BCL2L1: variants seen among roughly 807,000 people sequenced by gnomAD.
BCL2L1 encodes the protein BCL2 like 1.
In BCL2L1, 1 loss-of-function variant was observed where a neutral mutation model predicts 18.7. The ratio of observed to expected loss-of-function variants is 0.05; its 90% CI spans 0.02 to 0.25. The LOEUF is 0.25. Ranked by LOEUF, BCL2L1 falls within the 10% of genes least tolerant of loss-of-function variation. The probability of loss-of-function intolerance (pLI) is 1.00; values close to 1 mark genes in which losing one functional copy is unlikely to be tolerated. For missense variants in BCL2L1, 207 were observed against 304.9 expected (o/e 0.68, Z 2.39); for synonymous variants, 103 against 122.7 (o/e 0.84, Z 1.06).
At chr20:31,704,529 G>A (rs2061340505) in intron 2 of BCL2L1, among the ~76,000 whole-genome samples, 1 of 152,208 alleles carries the variant, frequency 6.6e-6, no homozygotes, top group Non-Finnish European at 1.5e-5. Flanking sequence ...TAAAGACACA[G>A]TTTCTGGATT....
upstream of BCL2L1, chr20:31,723,648 A>G (rs1477944642): frequency 2.0e-6 from 2 of 985,414 alleles, no homozygotes; most frequent in East Asian, 2.3e-4. Context: ...GCAGCCAATC[A>G]GCGAGCCCAG....
At chr20:31,689,191 AACGTGGCAAG>A (rs2061012230) in intron 2 of BCL2L1, among the ~76,000 whole-genome samples, 2 of 125,122 alleles carry the variant, frequency 1.6e-5, no homozygotes, top group Non-Finnish European at 3.4e-5. Flanking sequence ...TAGCCTGGGC[AACGTGGCAAG>A]ACCCTGTCTC....
At chr20:31,677,780 T>C (rs1220248235) in intron 2 of BCL2L1, among the ~76,000 whole-genome samples, 1 of 152,198 alleles carries the variant, frequency 6.6e-6, no homozygotes, top group Non-Finnish European at 1.5e-5. Flanking sequence ...CACTTATCTC[T>C]GAGGTCTTAA....
intron 2 of BCL2L1, among the ~76,000 whole-genome samples, chr20:31,675,692 G>A (rs1485893631): frequency 5.9e-5 from 9 of 152,068 alleles, no homozygotes; most frequent in Non-Finnish European, 1.3e-4. Context: ...ACTGTGTTGG[G>A]GTCAACACCT....
chr20:31,682,039 G>A (rs1045002441), intron 2 of BCL2L1, among the ~76,000 whole-genome samples: 6 of 152,198 alleles, frequency 3.9e-5, no homozygotes, highest in Non-Finnish European at 7.3e-5. Context: ...CAGTGGGAGC[G>A]GGGGTCAGGG....
chr20:31,701,271 C>G (rs2122703393), intron 2 of BCL2L1, among the ~76,000 whole-genome samples: 1 of 152,316 alleles, frequency 6.6e-6, no homozygotes, highest in East Asian at 1.9e-4. Flanking sequence ...CCAAGACGGT[C>G]TTGATCTCCT....
At position 31,722,795 on chromosome 20, in the gene BCL2L1, G is replaced by C. The variant is rs1293215855; in HGVS notation, c.-308C>G. 2.6e-5 allele frequency: 4 copies of C among 152,218 alleles called. No homozygotes were observed. Among genetic ancestry groups the C allele is most frequent in the East Asian group, 3.9e-4 (2 of 5,178 alleles). 9.4% of individuals were successfully genotyped at this position (152,218 alleles called of 1,614,324 possible). A position where few individuals can be genotyped will look rare whatever the true frequency, so the allele number is the denominator to read the frequency against. ...TGCGACCCGGCAGGCTGGGAGCCCAGAAGGCGACACAGGAATTGCGAAGCT... is the reference window on the plus strand; with the variant it reads ...TGCGACCCGGCAGGCTGGGAGCCCACAAGGCGACACAGGAATTGCGAAGCT... On this transcript the variant is annotated 5_prime_UTR_variant, in exon 1 of 3. Coordinates refer to ENST00000307677, the MANE Select transcript of BCL2L1 (RefSeq NM_138578.3).
intron 2 of BCL2L1, among the ~76,000 whole-genome samples, chr20:31,698,311 T>G (rs927951673): frequency 8.5e-5 from 13 of 152,102 alleles, no homozygotes; most frequent in African/African-American, 2.2e-4. Flanking sequence ...GATGTGTTCA[T>G]AGCTCACTGC....
intron 2 of BCL2L1, among the ~76,000 whole-genome samples, chr20:31,683,268 T>C (rs1178101951): frequency 6.6e-6 from 1 of 152,208 alleles, no homozygotes; most frequent in Admixed American, 6.5e-5. Flanking sequence ...ATTCCCACCC[T>C]TTGGCCTCTG....
chr20:31,696,148 T>C lies in BCL2L1; in HGVS notation c.564+25507A>G, dbSNP rs578200437. On this transcript the variant is annotated intron_variant, in intron 2 of 2. Transcript: ENST00000307677. ...GTCCACTGGGTGAGAATAGGGACTTTGGTTCGTTCAGACTGTATGTCCAAC... is the reference window on the plus strand; with the variant it reads ...GTCCACTGGGTGAGAATAGGGACTTCGGTTCGTTCAGACTGTATGTCCAAC... Among the ~76,000 whole-genome samples the C allele has an allele frequency of 9.8e-5, 15 of 152,352 alleles. No homozygotes were observed. In the South Asian group the frequency reaches 2.1e-3, roughly 21 times the overall value.
upstream of BCL2L1, chr20:31,723,330 A>T: frequency 1.0e-6 from 1 of 985,590 alleles, no homozygotes; most frequent in Non-Finnish European, 1.2e-6. Context: ...GGTGAGGGTG[A>T]GGCGCTGGGC....
rs986907006 is a variant in BCL2L1, at chr20:31,705,366, T to A, written c.564+16289A>T. Among the ~76,000 whole-genome samples, 3 of 152,126 alleles carry A rather than the reference T, an allele frequency of 2.0e-5. No individual in the cohort carries two copies. The South Asian group carries it at 6.2e-4, about 32-fold the overall frequency. On this transcript the variant is annotated intron_variant, in intron 2 of 2. Coordinates refer to ENST00000307677, the MANE Select transcript of BCL2L1 (RefSeq NM_138578.3). ...TTACAAAAACCCTATGAAGTATTAT[T>A]ATTATCCCCATTTTTCAGATAGGGG...
At position 31,681,535 on chromosome 20, in the gene BCL2L1, G is replaced by A. The variant is rs141976192; in HGVS notation, c.565-15449C>T. On this transcript the variant is annotated intron_variant, in intron 2 of 2. Transcript: ENST00000307677. ...CGTGATGGCATGTTCCAGCTATTCC[G>A]GAGGCTGAGGTGGGAGGACTGCTGG... is the stretch of plus-strand genomic sequence containing the variant. Among the ~76,000 whole-genome samples the A allele has an allele frequency of 2.3e-4, 35 of 152,306 alleles. No homozygotes were observed. The Middle Eastern group carries it at 0.014, about 59-fold the overall frequency.
intron 2 of BCL2L1, chr20:31,719,970 C>T (rs1418959358): frequency 3.8e-6 from 2 of 521,300 alleles, no homozygotes; most frequent in Non-Finnish European, 4.9e-6. Flanking sequence ...AAATATTTGC[C>T]CCAAAAGAGA....
At chr20:31,688,486 G>GAAAAGAAAGA (rs1274830165) in intron 2 of BCL2L1, among the ~76,000 whole-genome samples, 1 of 149,862 alleles carries the variant, frequency 6.7e-6, no homozygotes, top group African/African-American at 2.4e-5. Flanking sequence ...GAAAAGAAAA[G>GAAAAGAAAGA]AAAAGAAAGA....
chr20:31,672,531 G>A (rs1342134560), intron 2 of BCL2L1, among the ~76,000 whole-genome samples: 2 of 152,146 alleles, frequency 1.3e-5, no homozygotes, highest in Non-Finnish European at 2.9e-5. Context: ...GGAGGGAGAG[G>A]AGGGGTGTTC....
chr20:31,681,945 G>A (rs932241701), intron 2 of BCL2L1, among the ~76,000 whole-genome samples: 3 of 152,256 alleles, frequency 2.0e-5, no homozygotes, highest in African/African-American at 7.2e-5. Context: ...AGGGAGGGCA[G>A]GGCTCTGCCT....
At chr20:31,713,484 G>A (rs1032921080) in intron 2 of BCL2L1, 6 of 985,164 alleles carry the variant, frequency 6.1e-6, no homozygotes, top group East Asian at 2.3e-4. Flanking sequence ...GGAAGTCATC[G>A]CAATGGCATT....
At chr20:31,666,208 C>T (rs1307220993) in intron 2 of BCL2L1, 122 bp from the exon 3 acceptor site, 3 of 1,269,818 alleles carry the variant, frequency 2.4e-6, no homozygotes, top group Non-Finnish European at 3.3e-6. Flanking sequence ...CATCTGTGCC[C>T]ACTCTGGGCC....
Sources: gnomAD v4.1 joint callset for allele counts (sites outside exome capture counted in the v4.1 genomes callset) on GRCh38, gnomAD v4.1.1 for gene constraint, MANE v1.5 for transcripts, NCBI Gene and HGNC (gene_info 2026-07-23, HGNC 2026-07-21) for gene names.